Variants in CYLD observed in about 807,000 individuals in gnomAD.
CYLD encodes the protein ubiquitin carboxyl-terminal hydrolase CYLD.
In CYLD, 26 loss-of-function variants were observed where a neutral mutation model predicts 104.5. The observed-to-expected ratio is 0.25, with a 90% CI of 0.18 to 0.35. The LOEUF (loss-of-function observed/expected upper bound fraction) is 0.35, where lower values mean the gene tolerates loss of function less well. CYLD is among the 10% of genes least tolerant of loss of function. CYLD has a pLI of 1.00. For synonymous variants in CYLD, 385 were observed against 399.9 expected (o/e 0.96, Z 0.45); for missense variants, 703 against 1,136.1 (o/e 0.62, Z 5.48).
chr16:50,800,368 T>C lies in CYLD; in HGVS notation c.*3860T>C, dbSNP rs985022999. 3.9e-5 allele frequency: 9 copies of C among 233,258 alleles called. No homozygotes were observed. Among genetic ancestry groups the C allele is most frequent in the African/African-American group, 2.0e-4 (9 of 45,350 alleles). The allele number at this position is 233,258 out of a possible 1,614,324, so 14.4% of individuals were successfully genotyped here. On this transcript the variant is annotated 3_prime_UTR_variant, in exon 19 of 19. Transcript: ENST00000427738. ...TTCACTTTTTGTGATTTTGTGGTCA[T>C]GTAACGTTACTGTATTATTCTACGT... is the stretch of plus-strand genomic sequence containing the variant.
chr16:50,743,872 G>T (rs1334486656), intron 2 of CYLD, among the ~76,000 whole-genome samples: 1 of 152,268 alleles, frequency 6.6e-6, no homozygotes, highest in East Asian at 1.9e-4. Flanking sequence ...TTTATCTAGA[G>T]AATTACTGAA....
At chr16:50,762,294 T>G (rs1486861794) in intron 5 of CYLD, among the ~76,000 whole-genome samples, 1 of 152,248 alleles carries the variant, frequency 6.6e-6, no homozygotes, top group Non-Finnish European at 1.5e-5. Context: ...TATACTGTTT[T>G]CAAAATAGTA....
intron 5 of CYLD, among the ~76,000 whole-genome samples, chr16:50,760,823 G>T (rs1474591877): frequency 6.6e-6 from 1 of 152,126 alleles, no homozygotes; most frequent in Non-Finnish European, 1.5e-5. Flanking sequence ...AAGTGGAGTT[G>T]CTTGATGAAA....
At chr16:50,762,420 C>T (rs1259824593) in intron 5 of CYLD, among the ~76,000 whole-genome samples, 3 of 152,156 alleles carry the variant, frequency 2.0e-5, no homozygotes, top group Admixed American at 6.5e-5. Context: ...ATGCTTGCTG[C>T]GTATAAATCA....
Position 50,779,921 on chromosome 16 carries a change from G to A in CYLD, c.1395G>A (p.Gly465=). The A allele has an allele frequency of 6.2e-7, 1 of 1,614,028 alleles. No individual in the cohort carries two copies. The highest frequency in any genetic ancestry group is 8.5e-7 in the Non-Finnish European group (1 of 1,179,898). The part of the protein sequence containing the change: ...QESPPLAMPP[G]NSHGLEVGSL... ...GTCCACCCTTGGCCATGCCTCCTGGGAACTCACATGGTCTAGAAGTGGGCT... is the reference window on the plus strand; with the variant it reads ...GTCCACCCTTGGCCATGCCTCCTGGAAACTCACATGGTCTAGAAGTGGGCT... Residue 465 remains glycine (G), a synonymous_variant, in exon 9 of 19, where the codon GGG becomes GGA. Coordinates refer to ENST00000427738, the MANE Select transcript of CYLD (RefSeq NM_001378743.1).
At chr16:50,780,214 G>T (rs534943255) in intron 9 of CYLD, among the ~76,000 whole-genome samples, 170 bp downstream of exon 9, 12 of 152,210 alleles carry the variant, frequency 7.9e-5, no homozygotes, top group African/African-American at 2.9e-4. Flanking sequence ...CCTGAAGCTT[G>T]CGACCCACTT....
intron 5 of CYLD, among the ~76,000 whole-genome samples, chr16:50,771,200 G>A (rs1210941063): frequency 1.4e-5 from 2 of 147,990 alleles, no homozygotes; most frequent in African/African-American, 2.4e-5. Flanking sequence ...GACAACCACT[G>A]ATCTGCTTTC....
chr16:50,773,372 A>G (rs902211547), intron 5 of CYLD, among the ~76,000 whole-genome samples: 7 of 152,198 alleles, frequency 4.6e-5, no homozygotes, highest in African/African-American at 1.2e-4. Context: ...CATAATGGAT[A>G]CTTTTGGTTT....
chr16:50,742,351 C>G (rs555918150), intron 1 of CYLD: 54 of 152,532 alleles, frequency 3.5e-4, no homozygotes, highest in Non-Finnish European at 6.3e-4. Context: ...TGCCCGGGCC[C>G]GAGCCGGCCG....
rs1966297148 is a variant in CYLD at position 50,747,571 on chromosome 16, G to C, written c.-123-2005G>C. Among the ~76,000 whole-genome samples the C allele has an allele frequency of 2.0e-5, 3 of 152,254 alleles. No individual in the cohort carries two copies. The South Asian group carries it at 6.2e-4, about 32-fold the overall frequency. ...GTGTTGACATGTTAAAAGCATTTTG[G>C]TCAAAAAGAACCAACACTTCAGTTT... On this transcript the variant is annotated intron_variant, in intron 2 of 18. Transcript: ENST00000427738.
At chr16:50,795,685 TTGAGGGA>T in intron 18 of CYLD, 1 of 697,174 alleles carries the variant, frequency 1.4e-6, no homozygotes, top group Non-Finnish European at 2.6e-6. Flanking sequence ...TCTCTGATGC[TTGAGGGA>T]TACATCCCAG....
intron 11 of CYLD, among the ~76,000 whole-genome samples, chr16:50,783,143 G>C (rs1156497042): frequency 6.6e-6 from 1 of 151,990 alleles, no homozygotes; most frequent in Non-Finnish European, 1.5e-5. Context: ...CGTTGGCCAG[G>C]CTGGTCTCGA....
At chr16:50,757,466 A>G (rs1187179068) in intron 5 of CYLD, among the ~76,000 whole-genome samples, 1 of 152,180 alleles carries the variant, frequency 6.6e-6, no homozygotes, top group Non-Finnish European at 1.5e-5. Context: ...CCCTTTGGGA[A>G]CAAATGATTT....
chr16:50,775,250 C>A, intron 6 of CYLD, 76 bp downstream of exon 6: 1 of 1,084,996 alleles, frequency 9.2e-7, no homozygotes, highest in Non-Finnish European at 1.4e-6. Context: ...TTTCACACTG[C>A]CTCTTCTACA....
intron 5 of CYLD, 91 bp from the exon 6 acceptor site, chr16:50,775,073 CTT>C (rs901241160): frequency 2.2e-5 from 23 of 1,029,394 alleles, no homozygotes; most frequent in Non-Finnish European, 3.3e-5. Flanking sequence ...TAAGAAAAGT[CTT>C]TTCCTTGTGT....
At position 50,794,436 on chromosome 16, in the gene CYLD, A is replaced by G; in HGVS notation, c.2686+8A>G. 6.2e-7 allele frequency: 1 copy of G among 1,613,982 alleles called. No homozygotes were observed. Among genetic ancestry groups the G allele is most frequent in the Non-Finnish European group, 8.5e-7 (1 of 1,179,894 alleles). The stretch of plus-strand genomic sequence containing the variant: ...GCATGGCCGATCGGGATGGTACTGA[A>G]AACGCCTTTCTTCTGCATGTGGCAC... On this transcript the variant is annotated splice_region_variant and intron_variant, in intron 18 of 18. Coordinates refer to ENST00000427738, the MANE Select transcript of CYLD (RefSeq NM_001378743.1). The surrounding 1 kb of genome is among the most constrained non-coding windows in gnomAD (Gnocchi z 4.1).
In CYLD at chr16:50,781,277, C is replaced by A; in HGVS notation, c.1550C>A (p.Thr517Asn). The A allele has an allele frequency of 1.2e-6, 2 of 1,613,844 alleles. No homozygotes were observed. Among genetic ancestry groups the A allele is most frequent in the East Asian group, 4.5e-5 (2 of 44,896 alleles). Residue 517 changes from threonine to asparagine, a missense_variant, in exon 10 of 19, where the codon ACC (threonine) becomes AAC (asparagine). By Grantham distance (65) the Thr-to-Asn change is moderately conservative. Transcript: ENST00000427738. ...GAGTGTGCAGGCTGTACGGATGGAA[C>A]CTTCAGAGGCACTCGGTATTTCACC... ...EDECAGCTDG[T>N]FRGTRYFTCA...
At position 50,787,863 on chromosome 16, in the gene CYLD, A is replaced by C; in HGVS notation, c.2108+11A>C. Reference sequence around the variant, plus strand: ...TTTGCTAAAAATAAGGTAACCTTTAAATTGTTCTAGAAGCATTGGAAAAAT... The same window carrying C: ...TTTGCTAAAAATAAGGTAACCTTTACATTGTTCTAGAAGCATTGGAAAAAT... On this transcript the variant is annotated intron_variant, in intron 14 of 18. Coordinates refer to ENST00000427738, the MANE Select transcript of CYLD (RefSeq NM_001378743.1). 7.0e-7 allele frequency: 1 copy of C among 1,428,292 alleles called. No homozygotes were observed. Among genetic ancestry groups the C allele is most frequent in the Non-Finnish European group, 9.8e-7 (1 of 1,016,118 alleles). The allele number at this position is 1,428,292 out of a possible 1,614,324, so 88.5% of individuals were successfully genotyped here.
At chr16:50,784,139 C>CTGTAGGTCCTGATGAT (rs1970574840) in intron 11 of CYLD, 190 bp from the exon 12 acceptor site, 1 of 566,928 alleles carries the variant, frequency 1.8e-6, no homozygotes, top group Admixed American at 2.8e-5. Flanking sequence ...ATGGAAGGAT[C>CTGTAGGTCCTGATGAT]TGTAGGTCCT....
Sources: allele counts gnomAD v4.1 joint callset (sites outside exome capture counted in the v4.1 genomes callset), GRCh38; gene constraint gnomAD v4.1.1; non-coding constraint Gnocchi (gnomAD v3.1); transcripts MANE v1.5; gene names NCBI Gene and HGNC (gene_info 2026-07-23, HGNC 2026-07-21).